The following LRRC4C variants were observed in gnomAD, a reference collection of about 807,000 sequenced individuals.
LRRC4C encodes leucine rich repeat containing 4C.
A neutral mutation model predicts 33.6 loss-of-function variants in LRRC4C; 5 were observed. That is an observed-to-expected ratio of 0.15 (90% confidence interval 0.08 to 0.31). The LOEUF is 0.31. Ranked by LOEUF, LRRC4C falls within the 10% of genes least tolerant of loss-of-function variation. The pLI, the probability that LRRC4C is intolerant of heterozygous loss-of-function variation, is 1.00. For missense variants in LRRC4C, 560 were observed against 796.7 expected, an observed-to-expected ratio of 0.70 and a Z score of 3.58; for synonymous variants, 329 against 302.0, an observed-to-expected ratio of 1.09 and a Z score of -0.93.
intron 4 of LRRC4C, among the ~76,000 whole-genome samples, chr11:40,291,581 G>A (rs1944193518): frequency 6.6e-6 from 1 of 152,106 alleles, no homozygotes; most frequent in Non-Finnish European, 1.5e-5. Context: ...TGTGAACCCG[G>A]GTAATCTGAA....
chr11:40,128,248 A>G (rs1280352173), intron 6 of LRRC4C, among the ~76,000 whole-genome samples: 1 of 152,110 alleles, frequency 6.6e-6, no homozygotes, highest in Non-Finnish European at 1.5e-5. Flanking sequence ...TTGCCCCTGA[A>G]CCTCCATAAA....
chr11:40,888,027 T>C (rs1025314241), intron 2 of LRRC4C, among the ~76,000 whole-genome samples: 1 of 151,998 alleles, frequency 6.6e-6, no homozygotes, highest in African/African-American at 2.4e-5. Flanking sequence ...TTGGCACTAG[T>C]AATCAGAATA....
intron 1 of LRRC4C, among the ~76,000 whole-genome samples, chr11:41,426,694 C>A (rs1033819205): frequency 6.6e-6 from 1 of 152,150 alleles, no homozygotes; most frequent in Non-Finnish European, 1.5e-5. Flanking sequence ...AACTTAGTGG[C>A]TTAAAACAGC....
chr11:40,594,314 T>C (rs1452168692), intron 3 of LRRC4C, among the ~76,000 whole-genome samples: 2 of 152,220 alleles, frequency 1.3e-5, no homozygotes, highest in African/African-American at 2.4e-5. Context: ...ATTACTTCCC[T>C]GTGAGGGAGG....
At chr11:40,632,366 C>T (rs1320226698) in intron 3 of LRRC4C, among the ~76,000 whole-genome samples, 3 of 152,180 alleles carry the variant, frequency 2.0e-5, no homozygotes, top group African/African-American at 7.2e-5. Context: ...TTGCGGAACT[C>T]AATCAAAGCT....
chr11:41,103,394 G>A (rs908852174), intron 1 of LRRC4C, among the ~76,000 whole-genome samples: 5 of 151,816 alleles, frequency 3.3e-5, no homozygotes, highest in Admixed American at 3.3e-4. Context: ...TCTTTCTAAT[G>A]CAGCCTACCA....
chr11:41,371,450 C>G (rs542742676), intron 1 of LRRC4C, among the ~76,000 whole-genome samples: 28 of 152,260 alleles, frequency 1.8e-4, no homozygotes, highest in African/African-American at 5.5e-4. Context: ...GTGGGCTTTT[C>G]GTGTTAGAAG....
intron 1 of LRRC4C, among the ~76,000 whole-genome samples, chr11:40,956,734 G>A (rs1310508308): frequency 6.6e-6 from 1 of 151,618 alleles, no homozygotes; most frequent in African/African-American, 2.4e-5. Flanking sequence ...CTTATAACAA[G>A]TTATTTTGGG....
chr11:40,579,398 T>G (rs12273835), intron 3 of LRRC4C, among the ~76,000 whole-genome samples: 22,073 of 152,132 alleles, frequency 0.15, 1,710 homozygotes, highest in Admixed American at 0.2. Context: ...GTTGGGTTTA[T>G]GAAAATGTTT....
At chr11:41,193,884 A>G (rs1463982752) in intron 1 of LRRC4C, among the ~76,000 whole-genome samples, 1 of 152,056 alleles carries the variant, frequency 6.6e-6, no homozygotes, top group African/African-American at 2.4e-5. Flanking sequence ...TACAATATAA[A>G]AACATTTTTA....
At chr11:40,502,718 A>G (rs1353617390) in intron 3 of LRRC4C, among the ~76,000 whole-genome samples, 2 of 152,276 alleles carry the variant, frequency 1.3e-5, no homozygotes, top group East Asian at 3.9e-4. Context: ...ATAAGCATGC[A>G]TCTCTATAAA....
chr11:41,041,983 T>C (rs1857466487), intron 1 of LRRC4C, among the ~76,000 whole-genome samples: 2 of 152,166 alleles, frequency 1.3e-5, no homozygotes. Flanking sequence ...AATCAAAATA[T>C]GATGACAAGA....
intron 2 of LRRC4C, among the ~76,000 whole-genome samples, chr11:40,811,803 A>T (rs1300469706): frequency 6.6e-6 from 1 of 152,158 alleles, no homozygotes; most frequent in Non-Finnish European, 1.5e-5. Context: ...GCCAAATGGC[A>T]TCTACTTTAG....
intron 1 of LRRC4C, among the ~76,000 whole-genome samples, chr11:41,017,590 T>C (rs1343500378): frequency 6.6e-6 from 1 of 152,022 alleles, no homozygotes; most frequent in African/African-American, 2.4e-5. Flanking sequence ...AAATATATTA[T>C]TCTCCTCATG....
intron 2 of LRRC4C, among the ~76,000 whole-genome samples, chr11:40,750,641 T>A (rs10837496): frequency 1.6e-5 from 2 of 128,260 alleles, no homozygotes; most frequent in Non-Finnish European, 3.2e-5. Flanking sequence ...ACATCACACA[T>A]CGGGACTGTT....
At position 40,114,883 on chromosome 11, in the gene LRRC4C, C is replaced by T. The variant is rs780905572; in HGVS notation, c.1410G>A (p.Arg470=). The part of the protein sequence containing the change: ...ETMEPSQDEA[R]TTDNNVGPTP... ...TGGGACCCACATTGTTATCTGTGGT[C>T]CGTGCCTCATCCTGAGACGGTTCCA... The change falls in exon 7 of 7, where the codon CGG becomes CGA. Residue 470 remains arginine, a synonymous_variant. Transcript: ENST00000528697. The T allele has an allele frequency of 1.9e-6, 3 of 1,614,092 alleles. No homozygotes were observed. The highest frequency in any genetic ancestry group is 2.5e-6 in the Non-Finnish European group (3 of 1,180,016).
At chr11:41,241,629 C>T (rs1948254296) in intron 1 of LRRC4C, among the ~76,000 whole-genome samples, 1 of 152,102 alleles carries the variant, frequency 6.6e-6, no homozygotes, top group Admixed American at 6.5e-5. Flanking sequence ...CAATATCTAT[C>T]ATCATAGGAG....
chr11:40,155,396 A>G (rs1453168560), intron 5 of LRRC4C, among the ~76,000 whole-genome samples: 1 of 152,108 alleles, frequency 6.6e-6, no homozygotes, highest in Non-Finnish European at 1.5e-5. Flanking sequence ...AAAAAAATAC[A>G]AAAGATAAAT....
chr11:41,088,794 C>T (rs193293182), intron 1 of LRRC4C, among the ~76,000 whole-genome samples: 58 of 152,024 alleles, frequency 3.8e-4, no homozygotes, highest in Admixed American at 3.3e-4. Context: ...AAGCTAAATC[C>T]TGAAAGAGAC....
Sources: allele counts gnomAD v4.1 joint callset (sites outside exome capture counted in the v4.1 genomes callset), GRCh38; gene constraint gnomAD v4.1.1; transcripts MANE v1.5; gene names NCBI Gene and HGNC (gene_info 2026-07-23, HGNC 2026-07-21).